Variants in ARHGAP44 observed in about 807,000 individuals in gnomAD.
The protein encoded by ARHGAP44 is Rho GTPase activating protein 44.
A neutral mutation model predicts 106.8 loss-of-function variants in ARHGAP44; 43 were observed. The ratio of observed to expected loss-of-function variants is 0.40; its 90% confidence interval spans 0.32 to 0.52. The LOEUF is 0.52. ARHGAP44 is among the 20% of genes least tolerant of loss of function. ARHGAP44 has a pLI of 0.48. For synonymous variants in ARHGAP44, 439 were observed against 410.3 expected (o/e 1.07, Z -0.85); for missense variants, 866 against 1,050.5 (o/e 0.82, Z 2.43).
At position 12,944,062 on chromosome 17, in the gene ARHGAP44, C is replaced by G; in HGVS notation, c.734-7C>G. The G allele has an allele frequency of 6.3e-7, 1 of 1,595,546 alleles. No individual in the cohort carries two copies. The highest frequency in any genetic ancestry group is 8.6e-7 in the Non-Finnish European group (1 of 1,168,518). ...GCTGACTGACTCTTTCTCACTCCTCCCCTCAGAGGCCTGGGTAGAGAAGCC... is the reference window on the plus strand; with the variant it reads ...GCTGACTGACTCTTTCTCACTCCTCGCCTCAGAGGCCTGGGTAGAGAAGCC... On this transcript the variant is annotated splice_region_variant and splice_polypyrimidine_tract_variant and intron_variant, in intron 9 of 20. Transcript: ENST00000379672.
chr17:12,858,103 T>C (rs774764508), intron 1 of ARHGAP44, among the ~76,000 whole-genome samples: 2 of 152,214 alleles, frequency 1.3e-5, no homozygotes, highest in African/African-American at 4.8e-5. Flanking sequence ...CTAAGTCTTA[T>C]GCCAAGTCTG....
chr17:12,835,852 A>C (rs1002843482), intron 1 of ARHGAP44, among the ~76,000 whole-genome samples: 1 of 152,146 alleles, frequency 6.6e-6, no homozygotes, highest in Non-Finnish European at 1.5e-5. Flanking sequence ...GTCTCTGTGA[A>C]TTTGACTACT....
At chr17:12,855,920 G>T (rs9911058) in intron 1 of ARHGAP44, among the ~76,000 whole-genome samples, 2 of 152,274 alleles carry the variant, frequency 1.3e-5, no homozygotes, top group East Asian at 3.9e-4. Flanking sequence ...CATGCTTGTG[G>T]TCGAGCTCCA....
intron 14 of ARHGAP44, 48 bp downstream of exon 14, chr17:12,956,028 G>A (rs1243408418): frequency 7.0e-7 from 1 of 1,436,048 alleles, no homozygotes; most frequent in Non-Finnish European, 9.8e-7. Context: ...TGGGACTGCA[G>A]GGCCTGAGCA....
chr17:12,813,966 A>AT (rs1337407040), intron 1 of ARHGAP44, among the ~76,000 whole-genome samples: 3 of 152,020 alleles, frequency 2.0e-5, no homozygotes, highest in African/African-American at 7.3e-5. Flanking sequence ...ATATTTCGAG[A>AT]TTTCATCTAA....
Position 12,949,756 on chromosome 17 carries a change from C to T in ARHGAP44, c.1055+26C>T. The T allele has an allele frequency of 6.3e-7, 1 of 1,592,574 alleles. No homozygotes were observed. The highest frequency in any genetic ancestry group is 8.6e-7 in the Non-Finnish European group (1 of 1,161,668). ...GTGAGTACCCCTTGTTTTGGAATGT[C>T]CTGTGAGTTACAGTTTATTTGGGAG... On this transcript the variant is annotated intron_variant, in intron 12 of 20. Transcript: ENST00000379672. The surrounding 1 kb of genome is among the most constrained non-coding windows in gnomAD (Gnocchi z 4.1).
chr17:12,860,680 C>T (rs1335898050), intron 1 of ARHGAP44, among the ~76,000 whole-genome samples: 2 of 151,770 alleles, frequency 1.3e-5, no homozygotes, highest in African/African-American at 2.4e-5. Context: ...TGGTTATAGC[C>T]CCTGGTTTTC....
intron 16 of ARHGAP44, among the ~76,000 whole-genome samples, chr17:12,963,976 T>A (rs1044710180): frequency 5.9e-5 from 9 of 152,220 alleles, no homozygotes; most frequent in African/African-American, 2.2e-4. Context: ...ACATTTTTTT[T>A]AATTTATCAA....
chr17:12,926,193 C>T (rs536927090), intron 6 of ARHGAP44, among the ~76,000 whole-genome samples: 8 of 151,606 alleles, frequency 5.3e-5, no homozygotes, highest in Admixed American at 3.9e-4. Context: ...GGCGAAACCC[C>T]GTCTCTACTA....
At chr17:12,977,397 C>T (rs1025811768) in intron 18 of ARHGAP44, among the ~76,000 whole-genome samples, 1 of 152,118 alleles carries the variant, frequency 6.6e-6, no homozygotes, top group African/African-American at 2.4e-5. Flanking sequence ...TGATGGCAGG[C>T]CCTTCCTTGC....
chr17:12,892,984 G>GT (rs553424546), intron 1 of ARHGAP44, among the ~76,000 whole-genome samples: 291 of 148,986 alleles, frequency 2.0e-3, no homozygotes, highest in African/African-American at 6.8e-3. Context: ...TTCAGTTTGA[G>GT]TTTTTTTTTC....
At position 12,991,641 on chromosome 17, in the gene ARHGAP44, T is replaced by C. The variant is rs528879491; in HGVS notation, c.*1470T>C. The C allele has an allele frequency of 5.2e-6, 1 of 191,938 alleles. No homozygotes were observed. The highest frequency in any genetic ancestry group is 8.2e-5 in the East Asian group (1 of 12,148). The allele number at this position is 191,938 out of a possible 1,614,324, so 11.9% of individuals were successfully genotyped here. On this transcript the variant is annotated 3_prime_UTR_variant, in exon 21 of 21. Coordinates refer to ENST00000379672, the MANE Select transcript of ARHGAP44 (RefSeq NM_014859.6). ...GTTATTAAAATAGATTTATTATCCCTGAGCTTGGCATCTGTTCTTGCTTTA... is the reference window on the plus strand; with the variant it reads ...GTTATTAAAATAGATTTATTATCCCCGAGCTTGGCATCTGTTCTTGCTTTA...
intron 1 of ARHGAP44, among the ~76,000 whole-genome samples, chr17:12,876,739 T>C (rs1232377790): frequency 1.3e-5 from 2 of 151,642 alleles, no homozygotes; most frequent in African/African-American, 4.8e-5. Context: ...GGTGAAACCC[T>C]GTCTCTACTA....
chr17:12,889,081 A>G (rs1014510137), intron 1 of ARHGAP44, among the ~76,000 whole-genome samples: 2 of 152,166 alleles, frequency 1.3e-5, no homozygotes, highest in Admixed American at 6.5e-5. Context: ...GTAATTATAG[A>G]CATGTTAAAC....
intron 1 of ARHGAP44, among the ~76,000 whole-genome samples, chr17:12,866,179 A>T (rs937145052): frequency 2.0e-5 from 3 of 152,196 alleles, no homozygotes; most frequent in African/African-American, 7.2e-5. Flanking sequence ...AATATATTAG[A>T]GAAGAAGTTA....
intron 1 of ARHGAP44, among the ~76,000 whole-genome samples, chr17:12,861,570 GTCC>G (rs1473173908): frequency 6.6e-6 from 1 of 151,200 alleles, no homozygotes. Flanking sequence ...GGGTTGTGCT[GTCC>G]TCATACCACA....
chr17:12,923,722 C>T (rs1176064371), intron 6 of ARHGAP44, among the ~76,000 whole-genome samples: 1 of 152,180 alleles, frequency 6.6e-6, no homozygotes, highest in African/African-American at 2.4e-5. Context: ...TCAGACTGGC[C>T]ATTTCTAGCC....
chr17:12,802,851 C>T (rs570852809), intron 1 of ARHGAP44, among the ~76,000 whole-genome samples: 9 of 138,696 alleles, frequency 6.5e-5, no homozygotes, highest in African/African-American at 2.4e-4. Context: ...CTCCGCCTCC[C>T]GGGTTCAAGT....
intron 1 of ARHGAP44, among the ~76,000 whole-genome samples, chr17:12,841,035 C>T (rs61674600): frequency 0.23 from 34,596 of 151,978 alleles, 5,784 homozygotes; most frequent in African/African-American, 0.46. Flanking sequence ...GCCCGAGGGA[C>T]GTCTGAGCAG....
Sources: gnomAD v4.1 joint callset for allele counts (sites outside exome capture counted in the v4.1 genomes callset) on GRCh38, gnomAD v4.1.1 for gene constraint, Gnocchi (gnomAD v3.1) non-coding constraint, MANE v1.5 for transcripts, NCBI Gene and HGNC (gene_info 2026-07-23, HGNC 2026-07-21) for gene names.